Variants in DDHD1 observed in about 807,000 individuals in gnomAD.
The protein encoded by DDHD1 is DDHD domain containing 1.
A neutral mutation model predicts 96.4 loss-of-function variants in DDHD1; 49 were observed. The ratio of observed to expected loss-of-function variants is 0.51; its 90% CI spans 0.40 to 0.64. The LOEUF (loss-of-function observed/expected upper bound fraction) is 0.64, where lower values mean the gene tolerates loss of function less well. DDHD1 is among the 30% of genes least tolerant of loss of function. The probability of loss-of-function intolerance (pLI) is 0.00; values close to 1 mark genes in which losing one functional copy is unlikely to be tolerated. For synonymous variants in DDHD1, 442 were observed against 446.5 expected (o/e 0.99, Z 0.13); for missense variants, 1,106 against 1,161.2 (o/e 0.95, Z 0.69).
chr14:53,122,675 T>C (rs1023202187), intron 1 of DDHD1, among the ~76,000 whole-genome samples: 1 of 151,400 alleles, frequency 6.6e-6, no homozygotes, highest in Non-Finnish European at 1.5e-5. Flanking sequence ...TCTCCTGCCT[T>C]AGCCTCCTGA....
At chr14:53,089,933 G>C (rs1022657174) in intron 4 of DDHD1, among the ~76,000 whole-genome samples, 1 of 152,140 alleles carries the variant, frequency 6.6e-6, no homozygotes, top group African/African-American at 2.4e-5. Context: ...AGAGTGAACA[G>C]GCAACCTACA....
At chr14:53,152,147 A>AGATCTCGGTGGT in intron 1 of DDHD1, 114 bp downstream of exon 1, 1 of 1,090,696 alleles carries the variant, frequency 9.2e-7, no homozygotes. Context: ...CCCCAGCCAA[A>AGATCTCGGTGGT]CGCCAGGCCT....
intron 6 of DDHD1, among the ~76,000 whole-genome samples, chr14:53,065,316 G>C (rs1572388): frequency 3.3e-5 from 5 of 152,216 alleles, no homozygotes; most frequent in African/African-American, 1.2e-4. Flanking sequence ...AAATGTAATT[G>C]AGAGAGTTCT....
chr14:53,115,898 G>A (rs1024101506), intron 1 of DDHD1, among the ~76,000 whole-genome samples: 1 of 152,120 alleles, frequency 6.6e-6, no homozygotes, highest in Admixed American at 6.5e-5. Context: ...AAATGTACAT[G>A]GGCTAACTGC....
In DDHD1 at chr14:53,055,876, T is replaced by A; in HGVS notation, c.2029A>T (p.Ser677Cys). Residue 677 changes from serine (S) to cysteine (C), a missense_variant, in exon 10 of 13, where the codon AGC (serine) becomes TGC (cysteine). Transcript: ENST00000673822. ...TGGATCTGGACAGGTGAAATGTTGC[T>A]GTAGTGTTTCAGTATTAATGGTTCT... ...RLEPLILKHY[S>C]NISPVQIHWY... The A allele has an allele frequency of 6.2e-7, 1 of 1,613,738 alleles. No individual in the cohort carries two copies. The highest frequency in any genetic ancestry group is 8.5e-7 in the Non-Finnish European group (1 of 1,179,732).
At chr14:53,056,376 C>A (rs962850436) in intron 9 of DDHD1, among the ~76,000 whole-genome samples, 1 of 152,184 alleles carries the variant, frequency 6.6e-6, no homozygotes, top group Non-Finnish European at 1.5e-5. Context: ...AATGAGACAG[C>A]AGAAAAGGCA....
chr14:53,055,085 T>C lies in DDHD1; in HGVS notation c.2246-456A>G, dbSNP rs74356592. On this transcript the variant is annotated intron_variant, in intron 10 of 12. Coordinates refer to ENST00000673822, the MANE Select transcript of DDHD1 (RefSeq NM_001160148.2). ...GAGTCCAGGAGATAAAGCCTATTTA[T>C]AGTGCCACCTTGTGGTATTTTACAT... Among the ~76,000 whole-genome samples, 1,019 of 152,346 alleles carry C rather than the reference T, an allele frequency of 6.7e-3. 11 individuals carry two copies. Among genetic ancestry groups the C allele is most frequent in the African/African-American group, 0.024 (981 of 41,584 alleles).
chr14:53,106,300 T>C (rs564298449), intron 1 of DDHD1, among the ~76,000 whole-genome samples: 2 of 152,296 alleles, frequency 1.3e-5, no homozygotes, highest in Non-Finnish European at 2.9e-5. Context: ...TAAAGACAGG[T>C]TGGCTAGCTT....
intron 2 of DDHD1, chr14:53,096,151 T>C: frequency 1.0e-6 from 1 of 985,270 alleles, no homozygotes; most frequent in Non-Finnish European, 1.2e-6. Context: ...CTGTCGCATC[T>C]GTACTCTCCT....
intron 2 of DDHD1, among the ~76,000 whole-genome samples, chr14:53,101,102 T>A (rs929590316): frequency 6.6e-6 from 1 of 152,158 alleles, no homozygotes; most frequent in African/African-American, 2.4e-5. Context: ...ATGAGAAAAT[T>A]TAGGTGGAAA....
At chr14:53,091,015 T>A (rs557853254) in intron 4 of DDHD1, among the ~76,000 whole-genome samples, 1 of 152,210 alleles carries the variant, frequency 6.6e-6, no homozygotes, top group Middle Eastern at 3.2e-3. Flanking sequence ...TATCACACAC[T>A]GTTTGCTTTA....
At chr14:53,112,913 TAC>T (rs1313143499) in intron 1 of DDHD1, among the ~76,000 whole-genome samples, 1 of 152,164 alleles carries the variant, frequency 6.6e-6, no homozygotes, top group Admixed American at 6.5e-5. Flanking sequence ...AAAGATATGT[TAC>T]AGTCACTTGG....
At chr14:53,139,285 C>G (rs1277497044) in intron 1 of DDHD1, among the ~76,000 whole-genome samples, 1 of 152,064 alleles carries the variant, frequency 6.6e-6, no homozygotes. Context: ...TCCCCACTCT[C>G]GCCCACACCA....
Position 53,043,432 on chromosome 14 carries a change from CTTTT to C in DDHD1, c.*3332_*3335del, listed in dbSNP as rs903317761. 11 of 134,084 alleles carry C rather than the reference CTTTT, an allele frequency of 8.2e-5. No homozygotes were observed. Among genetic ancestry groups the C allele is most frequent in the African/African-American group, 2.9e-4 (10 of 34,274 alleles). 8.3% of individuals were successfully genotyped at this position (134,084 alleles called of 1,614,324 possible). On this transcript the variant is annotated 3_prime_UTR_variant, in exon 13 of 13. Transcript: ENST00000673822. ...GTGTGTGTGTGTGTGTAAATACATA[CTTTT>C]TTTTTTTGGATACAGTGTCCAGCTC...
chr14:53,096,937 G>A (rs112319752), intron 2 of DDHD1, among the ~76,000 whole-genome samples: 319 of 152,080 alleles, frequency 2.1e-3, no homozygotes, highest in African/African-American at 7.4e-3. Flanking sequence ...ATAGAGTAAA[G>A]CTAGGCACAG....
At chr14:53,084,699 A>C (rs915367606) in intron 4 of DDHD1, among the ~76,000 whole-genome samples, 31 of 152,204 alleles carry the variant, frequency 2.0e-4, no homozygotes, top group African/African-American at 7.5e-4. Context: ...TGCAGCTCCC[A>C]GCTTGATCGA....
chr14:53,091,630 T>G (rs1022086769), intron 4 of DDHD1, among the ~76,000 whole-genome samples, 155 bp downstream of exon 4: 6 of 152,200 alleles, frequency 3.9e-5, no homozygotes, highest in African/African-American at 1.4e-4. Flanking sequence ...TCTCAAAATT[T>G]GGTCCAGATA....
intron 1 of DDHD1, among the ~76,000 whole-genome samples, chr14:53,130,339 A>C (rs1889773551): frequency 6.6e-6 from 1 of 152,168 alleles, no homozygotes; most frequent in South Asian, 2.1e-4. Flanking sequence ...CAAATCAGTT[A>C]GCATTTGGAC....
At chr14:53,103,046 C>A in intron 2 of DDHD1, 1 of 1,568,258 alleles carries the variant, frequency 6.4e-7, no homozygotes, top group Non-Finnish European at 8.7e-7. Flanking sequence ...TAGTTGATCC[C>A]ACTGCCTGCA....
Sources: gnomAD v4.1 joint callset for allele counts (sites outside exome capture counted in the v4.1 genomes callset) on GRCh38, gnomAD v4.1.1 for gene constraint, MANE v1.5 for transcripts, NCBI Gene and HGNC (gene_info 2026-07-23, HGNC 2026-07-21) for gene names.